Variants in CCDC6 observed in about 807,000 individuals in gnomAD.
The protein encoded by CCDC6 is coiled-coil domain containing 6.
A neutral mutation model predicts 56.6 loss-of-function variants in CCDC6; 20 were observed. The observed-to-expected ratio is 0.35, with a 90% CI of 0.25 to 0.51. The LOEUF is 0.51. Ranked by LOEUF, CCDC6 falls within the 20% of genes least tolerant of loss-of-function variation. CCDC6 has a pLI of 0.95. For synonymous variants in CCDC6, 241 were observed against 234.4 expected (o/e 1.03, Z -0.26); for missense variants, 367 against 601.1 (o/e 0.61, Z 4.07).
At chr10:59,813,292 G>A (rs2070687784) in intron 4 of CCDC6, among the ~76,000 whole-genome samples, 2 of 152,178 alleles carry the variant, frequency 1.3e-5, no homozygotes, top group Non-Finnish European at 2.9e-5. Flanking sequence ...GCAAGGGCAT[G>A]GCAAACTGGA....
At chr10:59,880,378 G>A (rs1156833290) in intron 1 of CCDC6, among the ~76,000 whole-genome samples, 2 of 152,198 alleles carry the variant, frequency 1.3e-5, no homozygotes, top group African/African-American at 2.4e-5. Flanking sequence ...CAGACGGGAA[G>A]AGACCAACAA....
chr10:59,812,647 C>A lies in CCDC6; in HGVS notation c.835G>T (p.Ala279Ser). ...AGAGGCTACGTACGCTGTAACTGAG[C>A]AGCTCTCAGTTGCTTCTTCAGCCGT... ...VERLKKQLRA[A>S]QLQHSEKMAQ... Residue 279 changes from alanine (A) to serine (S), a missense_variant, in exon 5 of 9, where the codon GCT (alanine) becomes TCT (serine). Coordinates refer to ENST00000263102, the MANE Select transcript of CCDC6 (RefSeq NM_005436.5). The A allele has an allele frequency of 6.2e-7, 1 of 1,610,270 alleles. No individual in the cohort carries two copies. Among genetic ancestry groups the A allele is most frequent in the African/African-American group, 1.3e-5 (1 of 74,878 alleles).
chr10:59,856,422 G>A (rs1160810331), intron 1 of CCDC6, among the ~76,000 whole-genome samples: 2 of 151,778 alleles, frequency 1.3e-5, no homozygotes, highest in African/African-American at 4.8e-5. Context: ...AATGAACCAT[G>A]CATCATAAAA....
intron 1 of CCDC6, among the ~76,000 whole-genome samples, chr10:59,854,906 T>G (rs2071068730): frequency 6.6e-6 from 1 of 152,268 alleles, no homozygotes; most frequent in Non-Finnish European, 1.5e-5. Context: ...GGAACTGTAG[T>G]GCTCTTGCAG....
intron 5 of CCDC6, among the ~76,000 whole-genome samples, chr10:59,810,730 C>T (rs1360709267): frequency 1.3e-5 from 2 of 151,670 alleles, no homozygotes; most frequent in Non-Finnish European, 2.9e-5. Context: ...TGGAGTAAGC[C>T]CAGAAACCTG....
At chr10:59,858,753 C>T (rs904068049) in intron 1 of CCDC6, among the ~76,000 whole-genome samples, 9 of 152,176 alleles carry the variant, frequency 5.9e-5, no homozygotes, top group African/African-American at 1.4e-4. Flanking sequence ...TCACTGGTCA[C>T]TTACTTGGAT....
chr10:59,859,199 C>CGTGTGTGTGTGT lies in CCDC6; in HGVS notation c.304-6509_304-6498dup, dbSNP rs66648240. ...CTGGAAAAAAAAATACATGTGTGTG[C>CGTGTGTGTGTGT]GTGTGTGTGTGTGTGTGTGTGTGTG... On this transcript the variant is annotated intron_variant, in intron 1 of 8. Transcript: ENST00000263102. Among the ~76,000 whole-genome samples, 854 of 137,236 alleles carry CGTGTGTGTGTGT rather than the reference C, an allele frequency of 6.2e-3. 8 individuals carry two copies. Among genetic ancestry groups the CGTGTGTGTGTGT allele is most frequent in the African/African-American group, 0.014 (524 of 37,318 alleles). The allele number at this position is 137,236 out of a possible 152,430, so 90.0% of individuals were successfully genotyped here. A position where few individuals can be genotyped will look rare whatever the true frequency, so the allele number is the denominator to read the frequency against.
intron 1 of CCDC6, among the ~76,000 whole-genome samples, chr10:59,903,380 C>G (rs746739916): frequency 5.3e-5 from 8 of 151,982 alleles, no homozygotes; most frequent in Non-Finnish European, 1.2e-4. Flanking sequence ...AGGCTGTGCC[C>G]GTGTGAAGGC....
chr10:59,876,073 C>CTTTTTTTTTTTTTTTT lies in CCDC6; in HGVS notation c.304-23387_304-23372dup, dbSNP rs1172379933. Reference sequence around the variant, plus strand: ...CATACACGAGTGCATGCACAGATGTCTTTTTTTTTTTTTTTTTTCAGATCG... The same window carrying CTTTTTTTTTTTTTTTT: ...CATACACGAGTGCATGCACAGATGTCTTTTTTTTTTTTTTTTTTTTTTTTTTTTTTTTTTCAGATCG... On this transcript the variant is annotated intron_variant, in intron 1 of 8. Coordinates refer to ENST00000263102, the MANE Select transcript of CCDC6 (RefSeq NM_005436.5). 1.3e-4 allele frequency among the ~76,000 whole-genome samples: 13 copies of CTTTTTTTTTTTTTTTT among 97,550 alleles called. 2 individuals carry two copies. Among genetic ancestry groups the CTTTTTTTTTTTTTTTT allele is most frequent in the African/African-American group, 3.7e-4 (9 of 24,216 alleles). 64.0% of individuals were successfully genotyped at this position (97,550 alleles called of 152,430 possible). A position where few individuals can be genotyped will look rare whatever the true frequency, so the allele number is the denominator to read the frequency against.
intron 1 of CCDC6, among the ~76,000 whole-genome samples, chr10:59,880,968 ATGAC>A (rs1353761922): frequency 1.6e-4 from 24 of 152,260 alleles, no homozygotes; most frequent in African/African-American, 4.6e-4. Flanking sequence ...ATGATCAGAG[ATGAC>A]TACCTTTCTA....
chr10:59,827,541 A>G (rs895896208), intron 3 of CCDC6, among the ~76,000 whole-genome samples: 5 of 152,200 alleles, frequency 3.3e-5, no homozygotes, highest in African/African-American at 1.2e-4. Context: ...GAAGAGGTCA[A>G]ATTGCATGCA....
At chr10:59,803,147 T>A (rs1017515200) in intron 7 of CCDC6, among the ~76,000 whole-genome samples, 2 of 152,132 alleles carry the variant, frequency 1.3e-5, no homozygotes, top group African/African-American at 4.8e-5. Flanking sequence ...TTGGGGAACA[T>A]CTTTTTGGCA....
intron 3 of CCDC6, among the ~76,000 whole-genome samples, chr10:59,831,042 T>TAA (rs1225913660): frequency 6.6e-6 from 1 of 152,188 alleles, no homozygotes; most frequent in Non-Finnish European, 1.5e-5. Context: ...GTCAGGGACT[T>TAA]AAACACAAAT....
chr10:59,899,706 C>A (rs963194559), intron 1 of CCDC6, among the ~76,000 whole-genome samples: 1 of 152,210 alleles, frequency 6.6e-6, no homozygotes. Flanking sequence ...ACCAAGGCAG[C>A]AAATCTGAAC....
chr10:59,804,328 A>T, intron 7 of CCDC6, 92 bp downstream of exon 7: 1 of 767,430 alleles, frequency 1.3e-6, no homozygotes, highest in Non-Finnish European at 2.3e-6. Context: ...CCTGTTTCCA[A>T]GATTTTTATA....
intron 1 of CCDC6, among the ~76,000 whole-genome samples, chr10:59,862,951 C>A (rs2071147202): frequency 1.3e-5 from 2 of 151,870 alleles, no homozygotes; most frequent in Non-Finnish European, 2.9e-5. Flanking sequence ...TGTTGTTGAT[C>A]CTTAAATAAA....
chr10:59,800,338 C>A (rs1274822854), intron 7 of CCDC6, among the ~76,000 whole-genome samples: 1 of 152,216 alleles, frequency 6.6e-6, no homozygotes, highest in African/African-American at 2.4e-5. Flanking sequence ...CGCATCCTAG[C>A]AATGACTGAT....
chr10:59,817,614 G>A (rs186210134), intron 3 of CCDC6, among the ~76,000 whole-genome samples: 129 of 152,252 alleles, frequency 8.5e-4, no homozygotes, highest in Non-Finnish European at 6.6e-4. Flanking sequence ...ATCATTTTGC[G>A]GTATGATGTC....
chr10:59,830,436 T>C (rs2070825702), intron 3 of CCDC6, among the ~76,000 whole-genome samples: 1 of 152,152 alleles, frequency 6.6e-6, no homozygotes, highest in South Asian at 2.1e-4. Flanking sequence ...AAATTATTTA[T>C]AGTCAAAGAA....
Sources: allele counts gnomAD v4.1 joint callset (sites outside exome capture counted in the v4.1 genomes callset), GRCh38; gene constraint gnomAD v4.1.1; transcripts MANE v1.5; gene names NCBI Gene and HGNC (gene_info 2026-07-23, HGNC 2026-07-21).